The following RPS6KA2 variants were observed in gnomAD, a reference collection of about 807,000 sequenced individuals.
The protein encoded by RPS6KA2 is ribosomal protein S6 kinase alpha-2.
RPS6KA2 carries 42 observed loss-of-function variants against 91.8 expected under a neutral mutation model. The observed-to-expected ratio is 0.46, with a 90% CI of 0.36 to 0.59. RPS6KA2 has a LOEUF of 0.59. Among genes scored for constraint, RPS6KA2 ranks in the 20% least tolerant of loss-of-function variants. The probability of loss-of-function intolerance (pLI) is 0.00; values close to 1 mark genes in which losing one functional copy is unlikely to be tolerated. For missense variants in RPS6KA2, 798 were observed against 978.5 expected, an observed-to-expected ratio of 0.82 and a Z score of 2.46; for synonymous variants, 414 against 393.6, an observed-to-expected ratio of 1.05 and a Z score of -0.61.
intron 11 of RPS6KA2, among the ~76,000 whole-genome samples, chr6:166,463,885 C>T (rs948968868): frequency 1.3e-5 from 2 of 152,292 alleles, no homozygotes. Context: ...AGGTCAGTGG[C>T]TCATGGAGCG....
At chr6:166,671,139 C>A (rs189008279) in intron 2 of RPS6KA2, among the ~76,000 whole-genome samples, 2 of 152,256 alleles carry the variant, frequency 1.3e-5, no homozygotes, top group East Asian at 3.9e-4. Context: ...ATGCAATGTT[C>A]CTTTTGCCTG....
intron 1 of RPS6KA2, among the ~76,000 whole-genome samples, chr6:166,566,339 C>A (rs962684216): frequency 2.0e-5 from 3 of 152,232 alleles, no homozygotes; most frequent in African/African-American, 7.2e-5. Flanking sequence ...GGCCCCTTCA[C>A]AGGCGTAGGC....
intron 1 of RPS6KA2, among the ~76,000 whole-genome samples, chr6:166,587,395 G>A (rs1055421122): frequency 6.6e-6 from 1 of 152,126 alleles, no homozygotes; most frequent in African/African-American, 2.4e-5. Flanking sequence ...CTAATTGTGT[G>A]GCATCAGACA....
chr6:166,598,452 TAGGC>T lies in RPS6KA2; in HGVS notation c.99+28465_99+28468del, dbSNP rs1785618022. On this transcript the variant is annotated intron_variant, in intron 1 of 20. Coordinates refer to ENST00000265678, the MANE Select transcript of RPS6KA2 (RefSeq NM_021135.6). Reference sequence around the variant, plus strand: ...AAGACTGGATTCTCTACCAAGTAGATAGGCAGGGACAATAAAGGAATAAAAAGCC... The same window carrying T: ...AAGACTGGATTCTCTACCAAGTAGATAGGGACAATAAAGGAATAAAAAGCC... 3.3e-5 allele frequency among the ~76,000 whole-genome samples: 5 copies of T among 152,328 alleles called. No homozygotes were observed. The South Asian group carries it at 1.0e-3, about 32-fold the overall frequency.
At chr6:166,441,740 C>T (rs2294330) in intron 14 of RPS6KA2, among the ~76,000 whole-genome samples, 35,749 of 152,240 alleles carry the variant, frequency 0.23, 4,794 homozygotes, top group Middle Eastern at 0.37. Flanking sequence ...GCCCTGAGGA[C>T]GAGCAGGCTG....
In RPS6KA2 at chr6:166,748,214, C is replaced by T. The variant is rs536470407; in HGVS notation, c.123+109986G>A. Among the ~76,000 whole-genome samples the T allele has an allele frequency of 2.7e-4, 41 of 152,244 alleles. No individual in the cohort carries two copies. In the East Asian group the frequency reaches 6.8e-3, roughly 25 times the overall value. ...GGAAGCTGGTCAGAGGAGTGTGGCA[C>T]GTGCTGTCTTCAGGAGGGCGGGATG... On this transcript the variant is annotated intron_variant, in intron 2 of 21. Coordinates refer to the RPS6KA2 transcript ENST00000503859.
At chr6:166,782,116 C>A (rs1175348341) in intron 2 of RPS6KA2, among the ~76,000 whole-genome samples, 1 of 152,162 alleles carries the variant, frequency 6.6e-6, no homozygotes, top group East Asian at 1.9e-4. Context: ...CATGGTGAAA[C>A]CCTGTTTCTA....
At chr6:166,763,552 A>G (rs1454031763) in intron 2 of RPS6KA2, among the ~76,000 whole-genome samples, 3 of 152,270 alleles carry the variant, frequency 2.0e-5, no homozygotes, top group African/African-American at 7.2e-5. Flanking sequence ...TGAGTATTCT[A>G]TAACGATTTA....
intron 10 of RPS6KA2, among the ~76,000 whole-genome samples, chr6:166,486,416 A>T (rs984662767): frequency 6.6e-6 from 1 of 152,112 alleles, no homozygotes; most frequent in Admixed American, 6.5e-5. Context: ...CCCAGCTGGC[A>T]TCTCAGTGAC....
rs182299106 is a variant in RPS6KA2 at position 166,770,868 on chromosome 6, C to T, written c.123+87332G>A. ...CCCACAGGAACGCTTCTTACCTCTA[C>T]GGATCCAGCTACCTTTGTCTTGCAG... is the stretch of plus-strand genomic sequence containing the variant. On this transcript the variant is annotated intron_variant, in intron 2 of 21. Transcript: ENST00000503859. This position sits in a 1 kb window ranked among gnomAD's most constrained non-coding sequence, Gnocchi z 5.1. 1.8e-5 allele frequency: 28 copies of T among 1,596,006 alleles called. No individual in the cohort carries two copies. Among genetic ancestry groups the T allele is most frequent in the Middle Eastern group, 1.7e-4 (1 of 6,050 alleles).
At chr6:166,485,029 T>C (rs1781358479) in intron 10 of RPS6KA2, among the ~76,000 whole-genome samples, 1 of 152,228 alleles carries the variant, frequency 6.6e-6, no homozygotes. Flanking sequence ...AAGAACGACC[T>C]GTTCTCCTGG....
intron 2 of RPS6KA2, among the ~76,000 whole-genome samples, chr6:166,756,252 T>C (rs550519442): frequency 6.6e-6 from 1 of 152,122 alleles, no homozygotes; most frequent in African/African-American, 2.4e-5. Flanking sequence ...ATCGCACCAC[T>C]GCACTCCAGC....
chr6:166,862,071 A>G (rs1341039959), intron 1 of RPS6KA2: 2 of 1,613,752 alleles, frequency 1.2e-6, no homozygotes, highest in African/African-American at 2.7e-5. Context: ...CGGATTCTTG[A>G]GGATGCTGTG....
intron 2 of RPS6KA2, among the ~76,000 whole-genome samples, chr6:166,830,040 C>T (rs937564305): frequency 2.0e-5 from 3 of 150,330 alleles, no homozygotes; most frequent in African/African-American, 7.4e-5. Flanking sequence ...GGAGGAGAAT[C>T]GCTTGAACCT....
At chr6:166,846,686 T>C (rs1427557746) in intron 2 of RPS6KA2, among the ~76,000 whole-genome samples, 1 of 152,132 alleles carries the variant, frequency 6.6e-6, no homozygotes, top group African/African-American at 2.4e-5. Context: ...CCCTCAGGAA[T>C]ATTGGCATAG....
chr6:166,661,774 T>C (rs1451228261), intron 2 of RPS6KA2, among the ~76,000 whole-genome samples: 1 of 152,208 alleles, frequency 6.6e-6, no homozygotes, highest in Non-Finnish European at 1.5e-5. Context: ...CTTTTCTCTT[T>C]CTGAAATCGG....
In RPS6KA2 at chr6:166,434,111, CATA is replaced by C. The variant is rs1031284673; in HGVS notation, c.1333-1624_1333-1622del. On this transcript the variant is annotated intron_variant, in intron 14 of 20. Coordinates refer to ENST00000265678, the MANE Select transcript of RPS6KA2 (RefSeq NM_021135.6). This position sits in a 1 kb window ranked among gnomAD's most constrained non-coding sequence, Gnocchi z 4.4. Reference sequence around the variant, plus strand: ...CTTGGGTAGCATTTGACTCACTGCTCATAATCTGTCCCCTGGTCACCCTTCGTC... The same window carrying C: ...CTTGGGTAGCATTTGACTCACTGCTCATCTGTCCCCTGGTCACCCTTCGTC... Among the ~76,000 whole-genome samples the C allele has an allele frequency of 6.6e-6, 1 of 152,192 alleles. No individual in the cohort carries two copies. The highest frequency in any genetic ancestry group is 1.5e-5 in the Non-Finnish European group (1 of 68,032).
At chr6:166,586,625 C>T in intron 1 of RPS6KA2, 1 of 680,920 alleles carries the variant, frequency 1.5e-6, no homozygotes, top group South Asian at 1.9e-5. Flanking sequence ...GTCCACTACA[C>T]CGTGGAACTC....
chr6:166,675,404 C>A (rs868592606), intron 2 of RPS6KA2, among the ~76,000 whole-genome samples: 9 of 152,212 alleles, frequency 5.9e-5, no homozygotes, highest in African/African-American at 1.9e-4. Flanking sequence ...CCAGTTTCCA[C>A]GCTGTTAATC....
Sources: allele counts gnomAD v4.1 joint callset (sites outside exome capture counted in the v4.1 genomes callset), GRCh38; gene constraint gnomAD v4.1.1; non-coding constraint Gnocchi (gnomAD v3.1); transcripts MANE v1.5; gene names NCBI Gene and HGNC (gene_info 2026-07-23, HGNC 2026-07-21).